NUP210L: variants seen among roughly 807,000 people sequenced by gnomAD.
The protein encoded by NUP210L is nuclear pore membrane glycoprotein 210-like.
NUP210L carries 74 observed loss-of-function variants against 208.5 expected under a neutral mutation model. The observed-to-expected ratio is 0.35, with a 90% CI of 0.29 to 0.43. NUP210L has a LOEUF of 0.43. Among genes scored for constraint, NUP210L ranks in the 20% least tolerant of loss-of-function variants. NUP210L has a pLI of 1.00. For synonymous variants in NUP210L, 780 were observed against 816.9 expected, an observed-to-expected ratio of 0.95 and a Z score of 0.77; for missense variants, 1,843 against 2,289.4, an observed-to-expected ratio of 0.81 and a Z score of 3.98.
chr1:153,995,074 A>G lies in NUP210L; in HGVS notation c.5491+2T>C. ...CTATGTTATTGAATATAAGGACTCT[A>G]CCTAGGAAGATGGAAGCTGTTGATG... On this transcript the variant is annotated splice_donor_variant, in intron 38 of 39. Coordinates refer to ENST00000368559, the Ensembl canonical transcript of NUP210L. LOFTEE classifies it high-confidence loss of function. 1 of 1,592,766 alleles carries G rather than the reference A, an allele frequency of 6.3e-7. No homozygotes were observed. The highest frequency in any genetic ancestry group is 8.6e-7 in the Non-Finnish European group (1 of 1,161,606).
chr1:154,007,112 G>A lies in NUP210L; in HGVS notation c.4930+2860C>T, dbSNP rs188489381. 4.8e-3 allele frequency among the ~76,000 whole-genome samples: 720 copies of A among 148,798 alleles called. 10 individuals are homozygous for A. The highest frequency in any genetic ancestry group is 0.017 in the African/African-American group (690 of 40,362). Reference sequence around the variant, plus strand: ...CAAATAGCTGGGATTACAGGCGCCCGCCACCATGCCTGGCTAATTTTTGTA... The same window carrying A: ...CAAATAGCTGGGATTACAGGCGCCCACCACCATGCCTGGCTAATTTTTGTA... On this transcript the variant is annotated intron_variant, in intron 35 of 39. Transcript: ENST00000368559.
chr1:154,008,086 G>A (rs1650670321), intron 35 of NUP210L, among the ~76,000 whole-genome samples: 2 of 150,122 alleles, frequency 1.3e-5, no homozygotes, highest in African/African-American at 4.9e-5. Context: ...CGGCCAGGCT[G>A]GTCTCAAACT....
chr1:154,042,378 T>G (rs1035071753), intron 27 of NUP210L, among the ~76,000 whole-genome samples: 1 of 148,844 alleles, frequency 6.7e-6, no homozygotes, highest in East Asian at 2.0e-4. Flanking sequence ...GCTGGGATTA[T>G]AGCTGTGAGC....
intron 34 of NUP210L, 140 bp from the exon 35 acceptor site, chr1:154,010,261 G>T: frequency 1.5e-6 from 1 of 675,130 alleles, no homozygotes; most frequent in Non-Finnish European, 2.5e-6. Flanking sequence ...GCCCACCTCT[G>T]CTTCAATCAA....
intron 32 of NUP210L, 38 bp downstream of exon 32, chr1:154,022,088 T>A (rs1375796011): frequency 2.0e-6 from 3 of 1,493,888 alleles, no homozygotes; most frequent in Non-Finnish European, 2.8e-6. Context: ...TCCCCACAAC[T>A]ATCAATTGTA....
chr1:154,076,425 C>T (rs529594771), intron 16 of NUP210L, among the ~76,000 whole-genome samples: 191 of 151,750 alleles, frequency 1.3e-3, no homozygotes, highest in Admixed American at 2.1e-3. Context: ...ACTTTAATGT[C>T]CAAAGAACTA....
At chr1:154,133,222 T>C (rs1245822214) in intron 7 of NUP210L, among the ~76,000 whole-genome samples, 1 of 152,230 alleles carries the variant, frequency 6.6e-6, no homozygotes, top group Admixed American at 6.5e-5. Flanking sequence ...ACATGGCTTA[T>C]TGTGCCAGTG....
intron 35 of NUP210L, among the ~76,000 whole-genome samples, chr1:154,006,636 G>A (rs911903009): frequency 1.3e-5 from 2 of 151,370 alleles, no homozygotes; most frequent in Admixed American, 1.3e-4. Context: ...TGGGACTACA[G>A]GCATGTGCCA....
chr1:154,002,623 CA>C lies in NUP210L; in HGVS notation c.4931-639del, dbSNP rs536125068. 1.2e-3 allele frequency among the ~76,000 whole-genome samples: 168 copies of C among 145,500 alleles called. 1 individual carries two copies. Among genetic ancestry groups the C allele is most frequent in the African/African-American group, 3.0e-3 (120 of 39,768 alleles). ...TTGGGGACAGAGCAAGACTCCGTCT[CA>C]AAAAAAAAAATTATATTTTTTATAG... On this transcript the variant is annotated intron_variant, in intron 35 of 39. Transcript: ENST00000368559.
At chr1:153,999,627 C>A (rs1010942637) in intron 37 of NUP210L, among the ~76,000 whole-genome samples, 6 of 148,904 alleles carry the variant, frequency 4.0e-5, no homozygotes, top group Admixed American at 2.1e-4. Flanking sequence ...ATCCCAGCTA[C>A]TCAGGAGTCT....
chr1:154,113,687 G>GT (rs1160309913), intron 12 of NUP210L, among the ~76,000 whole-genome samples: 4 of 151,392 alleles, frequency 2.6e-5, no homozygotes, highest in Non-Finnish European at 4.4e-5. Flanking sequence ...GTGAAACCCC[G>GT]TCTCTACTAA....
chr1:154,052,111 C>A (rs1443789232), intron 25 of NUP210L, among the ~76,000 whole-genome samples: 2 of 152,224 alleles, frequency 1.3e-5, no homozygotes, highest in Non-Finnish European at 2.9e-5. Flanking sequence ...CAGATGCTAT[C>A]AGCAGCTGAA....
intron 12 of NUP210L, among the ~76,000 whole-genome samples, chr1:154,110,136 G>A (rs1375584511): frequency 6.7e-6 from 1 of 150,252 alleles, no homozygotes; most frequent in Non-Finnish European, 1.5e-5. Flanking sequence ...TCAGGAGGCT[G>A]AGGCAGGAGA....
intron 23 of NUP210L, among the ~76,000 whole-genome samples, chr1:154,055,405 C>T (rs1372273206): frequency 6.6e-6 from 1 of 152,024 alleles, no homozygotes; most frequent in East Asian, 1.9e-4. Context: ...CACCTGCCAC[C>T]ATGCCCAGCT....
chr1:153,998,969 C>T (rs920532028), intron 37 of NUP210L, among the ~76,000 whole-genome samples: 1 of 152,040 alleles, frequency 6.6e-6, no homozygotes, highest in African/African-American at 2.4e-5. Context: ...TCCATCTTAG[C>T]CTCCCAAAGT....
chr1:153,995,266 GAC>G, intron 37 of NUP210L, 86 bp from the exon 38 acceptor site: 1 of 996,478 alleles, frequency 1.0e-6, no homozygotes, highest in South Asian at 1.4e-5. Flanking sequence ...TTTTTTTTGA[GAC>G]AGAGTTTTAC....
At chr1:154,049,915 GA>G (rs1489199823) in intron 25 of NUP210L, among the ~76,000 whole-genome samples, 1 of 152,208 alleles carries the variant, frequency 6.6e-6, no homozygotes, top group African/African-American at 2.4e-5. Context: ...AGTGTTGCCA[GA>G]AGGCATGTTA....
intron 27 of NUP210L, among the ~76,000 whole-genome samples, chr1:154,030,661 C>T (rs1333604647): frequency 6.6e-6 from 1 of 152,086 alleles, no homozygotes; most frequent in Non-Finnish European, 1.5e-5. Context: ...TTGATACAGG[C>T]ATAGAACCTG....
chr1:154,024,922 G>GTTTTTTTTTTTTTTT (rs71096508), intron 30 of NUP210L, among the ~76,000 whole-genome samples: 1 of 83,688 alleles, frequency 1.2e-5, no homozygotes, highest in Non-Finnish European at 2.1e-5. Context: ...AGGCTGATCT[G>GTTTTTTTTTTTTTTT]TTTTTTTTTT....
Sources: allele counts gnomAD v4.1 joint callset (sites outside exome capture counted in the v4.1 genomes callset), GRCh38; gene constraint gnomAD v4.1.1; transcripts MANE v1.5; gene names NCBI Gene and HGNC (gene_info 2026-07-23, HGNC 2026-07-21).